SF3B3: variants seen among roughly 807,000 people sequenced by gnomAD.
SF3B3 encodes the protein SAP 130.
A neutral mutation model predicts 139.2 loss-of-function variants in SF3B3; 33 were observed. That is an observed-to-expected ratio of 0.24 (90% CI 0.18 to 0.32). The LOEUF (loss-of-function observed/expected upper bound fraction) is 0.32, where lower values mean the gene tolerates loss of function less well. Among genes scored for constraint, SF3B3 ranks in the 10% least tolerant of loss-of-function variants. The probability of loss-of-function intolerance (pLI) is 1.00; values close to 1 mark genes in which losing one functional copy is unlikely to be tolerated. For synonymous variants in SF3B3, 596 were observed against 563.6 expected (o/e 1.06, Z -0.81); for missense variants, 818 against 1,509.4 (o/e 0.54, Z 7.59).
In SF3B3 at chr16:70,567,414, C is replaced by T. The variant is rs1381793377; in HGVS notation, c.2830C>T (p.Pro944Ser). ...GEKLEFLHKTPVEEVPAAIAP... is the reference protein window; with the variant it reads ...GEKLEFLHKTSVEEVPAAIAP... ...ATTACCTGCTTTTCCTCTATAGACT[C>T]CTGTGGAAGAGGTCCCTGCTGCTAT... is the stretch of plus-strand genomic sequence containing the variant. The change falls in exon 21 of 26, where the codon CCT becomes TCT. Residue 944 changes from proline (P) to serine (S), a missense_variant. Pro to Ser is a moderately conservative substitution (Grantham distance 74). Around this residue, in one of 14 missense-constraint regions of SF3B3, gnomAD observed 145 missense variants for 153.6 expected, o/e 0.94. Coordinates refer to ENST00000302516, the MANE Select transcript of SF3B3 (RefSeq NM_012426.5). 2 of 1,613,214 alleles carry T rather than the reference C, an allele frequency of 1.2e-6. No homozygotes were observed. The highest frequency in any genetic ancestry group is 1.7e-6 in the Non-Finnish European group (2 of 1,179,716).
At position 70,560,552 on chromosome 16, in the gene SF3B3, T is replaced by A; in HGVS notation, c.2094T>A (p.Pro698=). 6.2e-7 allele frequency: 1 copy of A among 1,613,842 alleles called. No homozygotes were observed. The highest frequency in any genetic ancestry group is 8.5e-7 in the Non-Finnish European group (1 of 1,179,780). The change falls in exon 16 of 26, where the codon CCT becomes CCA. Residue 698 remains proline (P), a synonymous_variant. Coordinates refer to ENST00000302516, the MANE Select transcript of SF3B3 (RefSeq NM_012426.5). ...GCACTCGGTACCTGGGGTCCCGTCCTGTGAAGCTCTTCCGAGTCCGAATGC... is the reference window on the plus strand; with the variant it reads ...GCACTCGGTACCTGGGGTCCCGTCCAGTGAAGCTCTTCCGAGTCCGAATGC... The part of the protein sequence containing the change: ...DTRTRYLGSR[P]VKLFRVRMQG...
intron 10 of SF3B3, among the ~76,000 whole-genome samples, chr16:70,544,754 G>A (rs1034164321): frequency 6.6e-6 from 1 of 152,200 alleles, no homozygotes; most frequent in Non-Finnish European, 1.5e-5. Flanking sequence ...GCAATGACAT[G>A]ATCTTGGCTC....
chr16:70,569,995 G>A lies in SF3B3; in HGVS notation c.3265-11G>A, dbSNP rs1413434560. 1.9e-6 allele frequency: 3 copies of A among 1,613,898 alleles called. No individual in the cohort carries two copies. The highest frequency in any genetic ancestry group is 2.2e-5 in the East Asian group (1 of 44,886). On this transcript the variant is annotated splice_polypyrimidine_tract_variant and intron_variant, in intron 23 of 25. Coordinates refer to ENST00000302516, the MANE Select transcript of SF3B3 (RefSeq NM_012426.5). ...GGTGCACACAGTCACTAGTCTGTTT[G>A]TGACTCACAGGCAGAGGTGATCATG...
rs1227662493 is a variant in SF3B3, at chr16:70,541,844, C to A, written c.1233+10C>A. On this transcript the variant is annotated intron_variant, in intron 9 of 25. Coordinates refer to ENST00000302516, the MANE Select transcript of SF3B3 (RefSeq NM_012426.5). ...CATTCTGTTTTGCCAGGTTGGTGGG[C>A]CTTTCCAGCCCCTTCCACAATAGAT... is the stretch of plus-strand genomic sequence containing the variant. 2 of 1,609,210 alleles carry A rather than the reference C, an allele frequency of 1.2e-6. No individual in the cohort carries two copies. Among genetic ancestry groups the A allele is most frequent in the South Asian group, 1.1e-5 (1 of 90,626 alleles).
At chr16:70,530,604 C>G (rs1284383508) in intron 3 of SF3B3, 141 bp from the exon 4 acceptor site, 1 of 765,404 alleles carries the variant, frequency 1.3e-6, no homozygotes, top group Non-Finnish European at 2.1e-6. Flanking sequence ...TGATAGAAAA[C>G]AGAATCCTGA....
chr16:70,527,592 A>G (rs1396812198), intron 2 of SF3B3, among the ~76,000 whole-genome samples: 1 of 152,064 alleles, frequency 6.6e-6, no homozygotes, highest in Non-Finnish European at 1.5e-5. Context: ...TTGAGTCTTC[A>G]TTTGGGTAAT....
intron 11 of SF3B3, 126 bp downstream of exon 11, chr16:70,548,568 GC>G: frequency 1.3e-6 from 1 of 772,830 alleles, no homozygotes; most frequent in Non-Finnish European, 2.1e-6. Flanking sequence ...AAACTTTCTG[GC>G]CCAACACTGT....
intron 8 of SF3B3, among the ~76,000 whole-genome samples, 182 bp downstream of exon 8, chr16:70,539,389 AAT>A (rs72474976): frequency 0.032 from 4,823 of 152,154 alleles, 281 homozygotes; most frequent in African/African-American, 0.11. Context: ...CTCTACCTAA[AAT>A]ACAAAAATTA....
intron 20 of SF3B3, among the ~76,000 whole-genome samples, chr16:70,565,933 AT>A (rs1430049737): frequency 6.6e-6 from 1 of 151,250 alleles, no homozygotes; most frequent in African/African-American, 2.4e-5. Flanking sequence ...CCCGGCCAAC[AT>A]GGTGAAAGCC....
rs2050550639 is a variant in SF3B3, at chr16:70,573,705, A to G, written c.*1892A>G. The G allele has an allele frequency of 6.6e-6, 1 of 152,202 alleles. No homozygotes were observed. Among genetic ancestry groups the G allele is most frequent in the Non-Finnish European group, 1.5e-5 (1 of 68,042 alleles). 9.4% of individuals were successfully genotyped at this position (152,202 alleles called of 1,614,324 possible). Reference sequence around the variant, plus strand: ...TTGACTCCTGTGGTTTGATTGAGCAACCAGGTAAATAGAGACCTCTCTCCA... The same window carrying G: ...TTGACTCCTGTGGTTTGATTGAGCAGCCAGGTAAATAGAGACCTCTCTCCA... On this transcript the variant is annotated 3_prime_UTR_variant, in exon 26 of 26. Coordinates refer to ENST00000302516, the MANE Select transcript of SF3B3 (RefSeq NM_012426.5).
intron 1 of SF3B3, among the ~76,000 whole-genome samples, chr16:70,525,599 C>A (rs1322263080): frequency 6.6e-6 from 1 of 152,034 alleles, no homozygotes; most frequent in Non-Finnish European, 1.5e-5. Flanking sequence ...TTTGTTGTTT[C>A]TCCACTCCCT....
intron 4 of SF3B3, 63 bp downstream of exon 4, chr16:70,530,980 T>A: frequency 6.7e-7 from 1 of 1,490,992 alleles, no homozygotes; most frequent in African/African-American, 1.4e-5. Flanking sequence ...TTTAAGATTG[T>A]TTTCCGGCCG....
chr16:70,555,256 A>G (rs781407697), intron 13 of SF3B3, 50 bp downstream of exon 13: 21 of 1,506,134 alleles, frequency 1.4e-5, no homozygotes, highest in Non-Finnish European at 1.9e-5. Context: ...GACCAGAGGG[A>G]AAGATGGGCA....
chr16:70,541,611 C>A, intron 8 of SF3B3, 58 bp from the exon 9 acceptor site: 1 of 1,392,736 alleles, frequency 7.2e-7, no homozygotes, highest in Non-Finnish European at 1.0e-6. Flanking sequence ...TGATGCCAGA[C>A]ATTATCGTCA....
chr16:70,543,885 A>C (rs918843425), intron 9 of SF3B3, among the ~76,000 whole-genome samples: 1 of 150,696 alleles, frequency 6.6e-6, no homozygotes, highest in African/African-American at 2.5e-5. Flanking sequence ...CAAGAGTCTC[A>C]CTCTGTTACC....
chr16:70,539,011 A>C, intron 7 of SF3B3, 93 bp from the exon 8 acceptor site: 1 of 913,172 alleles, frequency 1.1e-6, no homozygotes. Flanking sequence ...GATATGAAAT[A>C]CAGTATTTTA....
intron 5 of SF3B3, among the ~76,000 whole-genome samples, chr16:70,534,390 T>G (rs2050147779): frequency 6.6e-6 from 1 of 152,154 alleles, no homozygotes; most frequent in Non-Finnish European, 1.5e-5. Context: ...TTGACAACCT[T>G]AGAAAGATTA....
At chr16:70,564,300 A>G (rs567352162) in intron 18 of SF3B3, among the ~76,000 whole-genome samples, 1 of 152,306 alleles carries the variant, frequency 6.6e-6, no homozygotes, top group African/African-American at 2.4e-5. Context: ...TGAGCCCAGG[A>G]GTTCAAGACT....
intron 10 of SF3B3, among the ~76,000 whole-genome samples, chr16:70,546,123 C>T (rs193034998): frequency 2.0e-5 from 3 of 152,272 alleles, no homozygotes; most frequent in South Asian, 4.1e-4. Flanking sequence ...TGCGCCATCA[C>T]GCTTGGCTAA....
Sources: gnomAD v4.1 joint callset for allele counts (sites outside exome capture counted in the v4.1 genomes callset) on GRCh38, gnomAD v4.1.1 for gene constraint, gnomAD v4.1.1 regional missense constraint, MANE v1.5 for transcripts, NCBI Gene and HGNC (gene_info 2026-07-23, HGNC 2026-07-21) for gene names.